The following RPRD1A variants were observed in gnomAD, a reference collection of about 807,000 sequenced individuals.
RPRD1A encodes regulation of nuclear pre-mRNA domain-containing protein 1A.
In RPRD1A, 9 loss-of-function variants were observed where a neutral mutation model predicts 37.8. The ratio of observed to expected loss-of-function variants is 0.24; its 90% CI spans 0.14 to 0.42. RPRD1A has a LOEUF of 0.42. Among genes scored for constraint, RPRD1A ranks in the 10% least tolerant of loss-of-function variants. RPRD1A has a pLI of 1.00. For missense variants in RPRD1A, 255 were observed against 371.0 expected, an observed-to-expected ratio of 0.69 and a Z score of 2.57; for synonymous variants, 138 against 139.7, an observed-to-expected ratio of 0.99 and a Z score of 0.08.
intron 4 of RPRD1A, among the ~76,000 whole-genome samples, chr18:36,030,398 G>A (rs1191037759): frequency 2.6e-5 from 4 of 151,512 alleles, no homozygotes; most frequent in East Asian, 2.0e-4. Context: ...CAGGAGAATC[G>A]CTTGAACCCA....
At chr18:36,062,883 C>T (rs898375608) in intron 1 of RPRD1A, 1 of 152,120 alleles carries the variant, frequency 6.6e-6, no homozygotes, top group African/African-American at 2.4e-5. Context: ...ATTCTATAAA[C>T]ATATCAAAAA....
At chr18:36,008,575 G>GTGTGTGTATATGTA (rs1555670677) in intron 6 of RPRD1A, among the ~76,000 whole-genome samples, 3 of 42,370 alleles carry the variant, frequency 7.1e-5, no homozygotes, top group East Asian at 6.1e-4. Context: ...GACCTTGTGT[G>GTGTGTGTATATGTA]TGTATATATA....
chr18:36,040,822 G>A (rs768098722), intron 1 of RPRD1A: 5 of 1,521,058 alleles, frequency 3.3e-6, no homozygotes, highest in Non-Finnish European at 4.4e-6. Flanking sequence ...ATTCCTGTTT[G>A]ACAAAATCTC....
At chr18:36,064,068 C>A (rs1385115070) in intron 1 of RPRD1A, 1 of 152,290 alleles carries the variant, frequency 6.6e-6, no homozygotes, top group African/African-American at 2.4e-5. Context: ...AGATAGCTTT[C>A]TCCTATTGAG....
chr18:36,001,507 A>G (rs773780618), intron 6 of RPRD1A, among the ~76,000 whole-genome samples: 25 of 152,322 alleles, frequency 1.6e-4, no homozygotes, highest in Non-Finnish European at 3.2e-4. Context: ...TTTGTCATAA[A>G]TGTCATCTAA....
At chr18:36,040,891 A>T (rs1423758343) in intron 1 of RPRD1A, 20 of 1,338,624 alleles carry the variant, frequency 1.5e-5, no homozygotes, top group Non-Finnish European at 2.0e-5. Flanking sequence ...TAACAAGAAA[A>T]TATTTACTAC....
At chr18:36,025,309 T>C (rs1911286923) in intron 6 of RPRD1A, 1 of 223,452 alleles carries the variant, frequency 4.5e-6, no homozygotes, top group South Asian at 6.3e-5. Flanking sequence ...TTAAATGAGT[T>C]GCTTATGTGA....
intron 6 of RPRD1A, among the ~76,000 whole-genome samples, chr18:36,000,182 C>T (rs1290704429): frequency 1.3e-5 from 2 of 152,102 alleles, no homozygotes; most frequent in Non-Finnish European, 2.9e-5. Context: ...AGTGGTTTGC[C>T]CTCACCTTCT....
At chr18:36,002,882 A>T (rs527523639) in intron 6 of RPRD1A, among the ~76,000 whole-genome samples, 35 of 152,328 alleles carry the variant, frequency 2.3e-4, no homozygotes, top group African/African-American at 6.0e-4. Context: ...GATCTGCTAT[A>T]GAGGTAGATG....
intron 1 of RPRD1A, among the ~76,000 whole-genome samples, chr18:36,039,290 A>G (rs938703927): frequency 6.6e-6 from 1 of 152,246 alleles, no homozygotes; most frequent in Admixed American, 6.5e-5. Flanking sequence ...TTCTTCAAAA[A>G]TTACCCAGTC....
At position 36,059,086 on chromosome 18, in the gene RPRD1A, C is replaced by T. The variant is rs924442218; in HGVS notation, c.151+8168G>A. 2.6e-5 allele frequency among the ~76,000 whole-genome samples: 4 copies of T among 152,180 alleles called. No homozygotes were observed. The East Asian group carries it at 7.7e-4, about 29-fold the overall frequency. On this transcript the variant is annotated intron_variant, in intron 1 of 6. Coordinates refer to ENST00000399022, the MANE Select transcript of RPRD1A (RefSeq NM_018170.5). ...TATTTGATCATTAGACCAACATATA[C>T]ATCTATCAAAACATCAAACTGTATC...
chr18:36,048,736 T>G (rs1220994289), intron 1 of RPRD1A, among the ~76,000 whole-genome samples: 2 of 152,002 alleles, frequency 1.3e-5, no homozygotes, highest in African/African-American at 2.4e-5. Flanking sequence ...TAACTGTTTA[T>G]TCTCATCAGT....
intron 1 of RPRD1A, chr18:36,040,988 T>C: frequency 1.8e-6 from 1 of 565,918 alleles, no homozygotes; most frequent in Non-Finnish European, 3.0e-6. Flanking sequence ...AAAAAAAGAA[T>C]TCCCCATTAG....
intron 2 of RPRD1A, among the ~76,000 whole-genome samples, chr18:36,032,349 T>C (rs1363964848): frequency 1.3e-5 from 2 of 152,200 alleles, no homozygotes; most frequent in African/African-American, 4.8e-5. Context: ...AGGGGCAACA[T>C]ATATAGAAGA....
intron 4 of RPRD1A, 117 bp downstream of exon 4, chr18:36,030,691 T>C (rs1740005111): frequency 1.6e-6 from 1 of 634,528 alleles, no homozygotes; most frequent in South Asian, 2.1e-5. Flanking sequence ...TGTGGCTTCT[T>C]TCTTGTACCT....
rs144564469 is a variant in RPRD1A, at chr18:36,053,364, T to C, written c.151+13890A>G. 6.8e-4 allele frequency among the ~76,000 whole-genome samples: 103 copies of C among 152,146 alleles called. No homozygotes were observed. The East Asian group carries it at 0.017, about 25-fold the overall frequency. On this transcript the variant is annotated intron_variant, in intron 1 of 6. Transcript: ENST00000399022. The stretch of plus-strand genomic sequence containing the variant: ...CCTCTCTTCACTGTAGCCCCCGGAG[T>C]ATTATGGATTTACCTATTCTAGATA...
In RPRD1A at chr18:36,031,076, C is replaced by T; in HGVS notation, c.303G>A (p.Lys101=). The T allele has an allele frequency of 6.4e-7, 1 of 1,555,646 alleles. No homozygotes were observed. The highest frequency in any genetic ancestry group is 8.6e-7 in the Non-Finnish European group (1 of 1,160,616). The change falls in exon 3 of 7, where the codon AAG becomes AAA. Residue 101 remains lysine (K), a synonymous_variant. Transcript: ENST00000399022. ...TAGATAACACTCTTCCAAGGTGCTT[C>T]TTACAACTTTCATCAGTTTCACTAA... ...HVSSETDESC[K]KHLGRVLSIW... is the part of the protein sequence containing the mutation.
At chr18:36,025,662 AC>A (rs1249592718) in intron 6 of RPRD1A, 2 of 1,287,880 alleles carry the variant, frequency 1.6e-6, no homozygotes, top group Non-Finnish European at 2.0e-6. Context: ...GTTAGAAGAT[AC>A]GCCCATGTCC....
At chr18:36,019,864 A>C (rs1598618727) in intron 6 of RPRD1A, among the ~76,000 whole-genome samples, 1 of 152,196 alleles carries the variant, frequency 6.6e-6, no homozygotes, top group South Asian at 2.1e-4. Flanking sequence ...ACATGGCAAA[A>C]CCCTGTCTCT....
Sources: allele counts gnomAD v4.1 joint callset (sites outside exome capture counted in the v4.1 genomes callset), GRCh38; gene constraint gnomAD v4.1.1; transcripts MANE v1.5; gene names NCBI Gene and HGNC (gene_info 2026-07-23, HGNC 2026-07-21).